Variants in RAI1 observed in about 807,000 individuals in gnomAD.
The protein encoded by RAI1 is retinoic acid-induced protein 1.
RAI1 carries 9 observed loss-of-function variants against 123.8 expected under a neutral mutation model. The observed-to-expected ratio is 0.07, with a 90% CI of 0.04 to 0.13. RAI1 has a LOEUF of 0.13. Ranked by LOEUF, RAI1 falls within the 10% of genes least tolerant of loss-of-function variation. The probability of loss-of-function intolerance (pLI) is 1.00; values close to 1 mark genes in which losing one functional copy is unlikely to be tolerated. For synonymous variants in RAI1, 1,231 were observed against 1,127.3 expected (o/e 1.09, Z -1.84); for missense variants, 2,256 against 2,545.8 (o/e 0.89, Z 2.45).
chr17:17,793,197 G>A lies in RAI1; in HGVS notation c.249G>A (p.Lys83=). The change falls in exon 3 of 6, where the codon AAG becomes AAA. Residue 83 remains lysine, a synonymous_variant. Coordinates refer to ENST00000353383, the MANE Select transcript of RAI1 (RefSeq NM_030665.4). ...CCGACAAGTACCACCGAGGCAGCAA[G>A]GCCCTGCCCACACAGCAAGGCCTGC... The part of the protein sequence containing the change: ...VAADKYHRGS[K]ALPTQQGLQG... 6.2e-7 allele frequency: 1 copy of A among 1,612,798 alleles called. No homozygotes were observed.
At chr17:17,786,891 T>C (rs1400303287) in intron 2 of RAI1, among the ~76,000 whole-genome samples, 3 of 152,120 alleles carry the variant, frequency 2.0e-5, no homozygotes, top group Non-Finnish European at 4.4e-5. Context: ...CTGACCAATA[T>C]GGAGAAACCC....
rs1377611273 is a variant in RAI1, at chr17:17,724,141, A to T, written c.-35A>T. ...GACGCGCAGCGCCGGCGCCCGGGAG[A>T]CCCAGGAGGAGCCCGCAGGTATTGT... On this transcript the variant is annotated 5_prime_UTR_variant, in exon 2 of 6. Transcript: ENST00000353383. 1 of 151,522 alleles carries T rather than the reference A, an allele frequency of 6.6e-6. No homozygotes were observed. Among genetic ancestry groups the T allele is most frequent in the Admixed American group, 6.6e-5 (1 of 15,214 alleles). The allele number at this position is 151,522 out of a possible 1,614,324, so 9.4% of individuals were successfully genotyped here. A position where few individuals can be genotyped will look rare whatever the true frequency, so the allele number is the denominator to read the frequency against.
At chr17:17,728,391 G>A (rs543173974) in intron 2 of RAI1, among the ~76,000 whole-genome samples, 1 of 152,124 alleles carries the variant, frequency 6.6e-6, no homozygotes, top group Admixed American at 6.5e-5. Context: ...TGATCCGCAC[G>A]TTAATTAAAA....
intron 2 of RAI1, among the ~76,000 whole-genome samples, chr17:17,785,915 A>G (rs763584368): frequency 6.6e-6 from 1 of 152,250 alleles, no homozygotes; most frequent in Admixed American, 6.5e-5. Flanking sequence ...AATTCAGGCC[A>G]CAGACAGTGT....
intron 2 of RAI1, among the ~76,000 whole-genome samples, chr17:17,731,113 G>A (rs1045131574): frequency 3.9e-5 from 6 of 152,236 alleles, no homozygotes; most frequent in Admixed American, 6.5e-5. Context: ...TCCTAGAGGT[G>A]AGGACGTGGG....
At position 17,809,297 on chromosome 17, in the gene RAI1, G is replaced by A. The variant is rs1046104263; in HGVS notation, c.5660-93G>A. ...AGCCCCTGCAGTCTGGAGCCTCGCG[G>A]GCAGTGCGGCTCCCCTCCTGGCTGC... On this transcript the variant is annotated intron_variant, in intron 4 of 5. Coordinates refer to ENST00000353383, the MANE Select transcript of RAI1 (RefSeq NM_030665.4). This position sits in a 1 kb window ranked among gnomAD's most constrained non-coding sequence, Gnocchi z 4.9. The A allele has an allele frequency of 6.5e-6, 7 of 1,083,748 alleles. No individual in the cohort carries two copies. Among genetic ancestry groups the A allele is most frequent in the Admixed American group, 1.7e-5 (1 of 59,134 alleles). 67.1% of individuals were successfully genotyped at this position (1,083,748 alleles called of 1,614,324 possible). A position where few individuals can be genotyped will look rare whatever the true frequency, so the allele number is the denominator to read the frequency against.
At position 17,800,180 on chromosome 17, in the gene RAI1, G is replaced by GTCTCTCTCTGTCTCTCTC. The variant is rs1555566532; in HGVS notation, c.5565+1676_5565+1677insGTCTCTCTCTCTCTCTCT. On this transcript the variant is annotated intron_variant, in intron 3 of 5. Coordinates refer to ENST00000353383, the MANE Select transcript of RAI1 (RefSeq NM_030665.4). The surrounding 1 kb of genome is among the most constrained non-coding windows in gnomAD (Gnocchi z 4.7). ...TCTCTCCTGCTTTCTGTCTCTCTCT[G>GTCTCTCTCTGTCTCTCTC]TCTCTCTCTCTCTCTCTCTCTCTCT... Among the ~76,000 whole-genome samples the GTCTCTCTCTGTCTCTCTC allele has an allele frequency of 3.0e-3, 344 of 116,320 alleles. 8 individuals are homozygous for GTCTCTCTCTGTCTCTCTC. The highest frequency in any genetic ancestry group is 5.2e-3 in the Non-Finnish European group (265 of 51,108). 76.3% of individuals were successfully genotyped at this position (116,320 alleles called of 152,430 possible).
chr17:17,685,247 G>A lies in RAI1; in HGVS notation c.-149+3454G>A, dbSNP rs998171004. Reference sequence around the variant, plus strand: ...TCTGCGGGAGAGGCACCTGGGCACTGGGCCCAAGGGAACAGGGATTTTCCA... The same window carrying A: ...TCTGCGGGAGAGGCACCTGGGCACTAGGCCCAAGGGAACAGGGATTTTCCA... On this transcript the variant is annotated intron_variant, in intron 1 of 5. Coordinates refer to ENST00000353383, the MANE Select transcript of RAI1 (RefSeq NM_030665.4). This position sits in a 1 kb window ranked among gnomAD's most constrained non-coding sequence, Gnocchi z 4.0. 6.6e-6 allele frequency among the ~76,000 whole-genome samples: 1 copy of A among 152,224 alleles called. No individual in the cohort carries two copies. The highest frequency in any genetic ancestry group is 2.4e-5 in the African/African-American group (1 of 41,466).
intron 2 of RAI1, among the ~76,000 whole-genome samples, chr17:17,775,731 G>A (rs2031322400): frequency 6.6e-6 from 1 of 152,160 alleles, no homozygotes; most frequent in Non-Finnish European, 1.5e-5. Context: ...AGGAGAAAGG[G>A]AGGGTCTTGC....
At chr17:17,771,376 A>T (rs1279600922) in intron 2 of RAI1, among the ~76,000 whole-genome samples, 3 of 152,168 alleles carry the variant, frequency 2.0e-5, no homozygotes, top group African/African-American at 4.8e-5. Context: ...TGTTCATTTG[A>T]GGCCCATGAG....
intron 2 of RAI1, among the ~76,000 whole-genome samples, chr17:17,741,701 G>A (rs776861373): frequency 8.5e-5 from 13 of 152,192 alleles, no homozygotes; most frequent in Middle Eastern, 3.2e-3. Flanking sequence ...CAGCCTTTGC[G>A]TCTCAGGAAA....
At chr17:17,722,638 G>C (rs1179112022) in intron 1 of RAI1, among the ~76,000 whole-genome samples, 1 of 152,198 alleles carries the variant, frequency 6.6e-6, no homozygotes, top group Non-Finnish European at 1.5e-5. Flanking sequence ...GGCGGTCCTT[G>C]CCGCATGCTT....
Position 17,809,981 on chromosome 17 carries a change from G to C in RAI1, c.5721G>C (p.Ter1907TyrextTer1). 1 of 1,552,066 alleles carries C rather than the reference G, an allele frequency of 6.4e-7. No homozygotes were observed. Among genetic ancestry groups the C allele is most frequent in the Non-Finnish European group, 8.7e-7 (1 of 1,149,452 alleles). ...GGCGTCTTTTGCAGAGGCTGCCGTAGTAATCCACCCCAACGGCCGGAGGAG... is the reference window on the plus strand; with the variant it reads ...GGCGTCTTTTGCAGAGGCTGCCGTACTAATCCACCCCAACGGCCGGAGGAG... ...LKCPKHKRLP[*>Y] The change falls in exon 6 of 6, where the codon TAG becomes TAC. Residue 1907 changes from the stop codon to tyrosine, a stop_lost. Coordinates refer to ENST00000353383, the MANE Select transcript of RAI1 (RefSeq NM_030665.4). The surrounding 1 kb of genome is among the most constrained non-coding windows in gnomAD (Gnocchi z 4.9).
intron 2 of RAI1, among the ~76,000 whole-genome samples, chr17:17,742,707 G>A (rs944809369): frequency 1.3e-5 from 2 of 152,184 alleles, no homozygotes; most frequent in Non-Finnish European, 2.9e-5. Context: ...CCAAGGGTGG[G>A]CACCCTTAGA....
Position 17,794,342 on chromosome 17 carries a change from T to C in RAI1, c.1394T>C (p.Val465Ala). The change falls in exon 3 of 6, where the codon GTC becomes GCC. Residue 465 changes from valine to alanine, a missense_variant. Coordinates refer to ENST00000353383, the MANE Select transcript of RAI1 (RefSeq NM_030665.4). Reference protein sequence around the residue: ...SKAAVPQKKGVKNLVSRTPEQ... With the variant: ...SKAAVPQKKGAKNLVSRTPEQ... ...GCTGCTGTGCCGCAGAAGAAAGGTG[T>C]CAAGAACCTCGTGTCCAGGACCCCA... 6.2e-7 allele frequency: 1 copy of C among 1,612,708 alleles called. No homozygotes were observed. The highest frequency in any genetic ancestry group is 1.1e-5 in the South Asian group (1 of 91,064).
At chr17:17,716,637 G>A (rs182022622) in intron 1 of RAI1, among the ~76,000 whole-genome samples, 1 of 152,288 alleles carries the variant, frequency 6.6e-6, no homozygotes, top group Non-Finnish European at 1.5e-5. Context: ...GAGGGTCTGG[G>A]GGCTGCGTAT....
In RAI1 at chr17:17,695,153, C is replaced by T. The variant is rs1394824726; in HGVS notation, c.-149+13360C>T. On this transcript the variant is annotated intron_variant, in intron 1 of 5. Transcript: ENST00000353383. ...CTATTAAAAGTGGAGGCCAGGCGGCCTCTCAGCTGCAGTCTCTGGGTCTCG... is the reference window on the plus strand; with the variant it reads ...CTATTAAAAGTGGAGGCCAGGCGGCTTCTCAGCTGCAGTCTCTGGGTCTCG... Among the ~76,000 whole-genome samples the T allele has an allele frequency of 3.3e-5, 5 of 152,188 alleles. No individual in the cohort carries two copies. In the East Asian group the frequency reaches 9.7e-4, roughly 29 times the overall value.
intron 2 of RAI1, among the ~76,000 whole-genome samples, chr17:17,748,517 C>T (rs1048258716): frequency 9.9e-5 from 15 of 152,142 alleles, no homozygotes; most frequent in Non-Finnish European, 2.1e-4. Context: ...TTAATTTGTA[C>T]CAACAACCCT....
At chr17:17,727,769 A>T (rs2142940795) in intron 2 of RAI1, among the ~76,000 whole-genome samples, 1 of 152,272 alleles carries the variant, frequency 6.6e-6, no homozygotes, top group South Asian at 2.1e-4. Flanking sequence ...GTTGGCACAG[A>T]TATGAGGTAT....
Sources: gnomAD v4.1 joint callset for allele counts (sites outside exome capture counted in the v4.1 genomes callset) on GRCh38, gnomAD v4.1.1 for gene constraint, Gnocchi (gnomAD v3.1) non-coding constraint, MANE v1.5 for transcripts, NCBI Gene and HGNC (gene_info 2026-07-23, HGNC 2026-07-21) for gene names.